HMGB1: variants seen among roughly 807,000 people sequenced by gnomAD.
The protein encoded by HMGB1 is high mobility group box 1.
For missense variants in HMGB1, 79 were observed against 253.5 expected (o/e 0.31, Z 4.67); for synonymous variants, 81 against 84.0 (o/e 0.96, Z 0.19).
chr13:30,551,127 A>G (rs1157358678), intron 1 of HMGB1, among the ~76,000 whole-genome samples: 1 of 152,236 alleles, frequency 6.6e-6, no homozygotes, highest in African/African-American at 2.4e-5. Context: ...TGATTTCTAA[A>G]CACAGTTTAA....
chr13:30,614,648 G>T (rs1266991257), intron 1 of HMGB1, among the ~76,000 whole-genome samples: 2 of 152,114 alleles, frequency 1.3e-5, no homozygotes, highest in Admixed American at 1.3e-4. Context: ...CATTTTCTGG[G>T]GGCAAAACAG....
intron 1 of HMGB1, among the ~76,000 whole-genome samples, chr13:30,550,528 G>T (rs925902905): frequency 6.6e-6 from 1 of 152,102 alleles, no homozygotes; most frequent in African/African-American, 2.4e-5. Flanking sequence ...CTTAATGTAG[G>T]GATTCTCTCT....
chr13:30,505,882 T>G (rs1887854231), intron 1 of HMGB1, among the ~76,000 whole-genome samples: 1 of 152,000 alleles, frequency 6.6e-6, no homozygotes, highest in East Asian at 2.0e-4. Flanking sequence ...AAGTAGACAG[T>G]TTTTTTGTTT....
In HMGB1 at chr13:30,603,389, C is replaced by T. The variant is rs540367003; in HGVS notation, c.-15+13282G>A. On this transcript the variant is annotated intron_variant, in intron 1 of 4. Transcript: ENST00000405805. Reference sequence around the variant, plus strand: ...GAACTGGGCATTGGCTCCACTCCTTCTCCTTCTCTTTACTATTAATACCCT... The same window carrying T: ...GAACTGGGCATTGGCTCCACTCCTTTTCCTTCTCTTTACTATTAATACCCT... Among the ~76,000 whole-genome samples, 6 of 152,306 alleles carry T rather than the reference C, an allele frequency of 3.9e-5. No individual in the cohort carries two copies. In the South Asian group the frequency reaches 1.2e-3, roughly 32 times the overall value.
At chr13:30,588,805 TA>T (rs376949789) in intron 1 of HMGB1, among the ~76,000 whole-genome samples, 1 of 151,734 alleles carries the variant, frequency 6.6e-6, no homozygotes, top group African/African-American at 2.4e-5. Flanking sequence ...TAGTCCCAGC[TA>T]TTTGGGAGGC....
chr13:30,512,813 T>C (rs1392708664), intron 1 of HMGB1, among the ~76,000 whole-genome samples: 1 of 152,146 alleles, frequency 6.6e-6, no homozygotes, highest in Non-Finnish European at 1.5e-5. Flanking sequence ...GGACAGTCCA[T>C]GCACCTTTTG....
intron 1 of HMGB1, among the ~76,000 whole-genome samples, chr13:30,566,450 T>A (rs997202098): frequency 3.3e-5 from 5 of 152,200 alleles, no homozygotes. Context: ...AATAGGTGTG[T>A]TCCAAAAAAA....
At position 30,474,935 on chromosome 13, in the gene HMGB1, C is replaced by CT. The variant is rs1195259479; in HGVS notation, c.-14-11242dup. 4.4e-3 allele frequency among the ~76,000 whole-genome samples: 398 copies of CT among 91,192 alleles called. 5 individuals are homozygous for CT. The highest frequency in any genetic ancestry group is 0.015 in the African/African-American group (366 of 24,136). The allele number at this position is 91,192 out of a possible 152,430, so 59.8% of individuals were successfully genotyped here. On this transcript the variant is annotated intron_variant, in intron 1 of 4. Transcript: ENST00000405805. ...TGCAACCTTGGCTCACTCTCTTTCT[C>CT]TTTTTTTTTTCTTTTCTTTTTTTGT... is the stretch of plus-strand genomic sequence containing the variant.
chr13:30,495,491 T>C (rs757077345), intron 1 of HMGB1, among the ~76,000 whole-genome samples: 1 of 151,278 alleles, frequency 6.6e-6, no homozygotes, highest in South Asian at 2.1e-4. Flanking sequence ...TTTTTTTTTT[T>C]TTTTGGAGAC....
At chr13:30,475,525 TAAAAA>T (rs148513243) in intron 1 of HMGB1, among the ~76,000 whole-genome samples, 5 of 131,518 alleles carry the variant, frequency 3.8e-5, no homozygotes, top group African/African-American at 1.4e-4. Context: ...AGACCATCTC[TAAAAA>T]AAAAAAAAAA....
intron 1 of HMGB1, among the ~76,000 whole-genome samples, chr13:30,602,246 G>A (rs111669385): frequency 2.0e-5 from 3 of 152,186 alleles, no homozygotes; most frequent in African/African-American, 7.2e-5. Flanking sequence ...ATGTCATCGG[G>A]GACACCAGCC....
chr13:30,459,747 TTA>T lies in HMGB1; in HGVS notation c.*1608_*1609del. On this transcript the variant is annotated 3_prime_UTR_variant, in exon 5 of 5. Transcript: ENST00000341423. Reference sequence around the variant, plus strand: ...TTAAAGGGAAAAACTTTGCCATCCCTTATACTTATTTAAAAGGTACTGCTAAG... The same window carrying T: ...TTAAAGGGAAAAACTTTGCCATCCCTTACTTATTTAAAAGGTACTGCTAAG... The T allele has an allele frequency of 6.6e-6, 1 of 152,302 alleles. No individual in the cohort carries two copies. Among genetic ancestry groups the T allele is most frequent in the East Asian group, 1.9e-4 (1 of 5,194 alleles). 9.4% of individuals were successfully genotyped at this position (152,302 alleles called of 1,614,324 possible).
chr13:30,593,097 TA>T (rs1390028267), intron 1 of HMGB1, among the ~76,000 whole-genome samples: 2 of 152,166 alleles, frequency 1.3e-5, no homozygotes, highest in African/African-American at 2.4e-5. Context: ...AGAGAATAGG[TA>T]AAAATGCCAA....
At chr13:30,585,571 G>A (rs757240089) in intron 1 of HMGB1, among the ~76,000 whole-genome samples, 12 of 151,852 alleles carry the variant, frequency 7.9e-5, no homozygotes, top group Non-Finnish European at 1.5e-4. Flanking sequence ...CCAGCTACTC[G>A]GGAGGCTGAG....
intron 1 of HMGB1, among the ~76,000 whole-genome samples, chr13:30,575,870 C>T (rs73456532): frequency 0.12 from 17,533 of 152,036 alleles, 2,599 homozygotes; most frequent in African/African-American, 0.35. Flanking sequence ...AGCCACTGCA[C>T]TCAGCCTGGG....
intron 3 of HMGB1, 120 bp downstream of exon 3, chr13:30,463,087 T>C (rs1565994290): frequency 2.0e-6 from 2 of 980,708 alleles, no homozygotes; most frequent in South Asian, 1.4e-5. Context: ...TATGAACAAG[T>C]ATTAGCTAAG....
chr13:30,601,368 G>A (rs1426689769), intron 1 of HMGB1, among the ~76,000 whole-genome samples: 1 of 152,192 alleles, frequency 6.6e-6, no homozygotes, highest in African/African-American at 2.4e-5. Flanking sequence ...ACGCATGAAA[G>A]AAACCCTACC....
intron 1 of HMGB1, 157 bp from the exon 2 acceptor site, chr13:30,463,851 A>G: frequency 1.7e-6 from 1 of 585,312 alleles, no homozygotes. Flanking sequence ...CCGAGAGATT[A>G]AATTCCTTGA....
intron 3 of HMGB1, among the ~76,000 whole-genome samples, 161 bp downstream of exon 3, chr13:30,463,046 C>G (rs987101261): frequency 2.0e-5 from 3 of 152,248 alleles, no homozygotes; most frequent in Non-Finnish European, 4.4e-5. Context: ...TCCCACCCAA[C>G]AGGAATTTTA....
Sources: gnomAD v4.1 joint callset for allele counts (sites outside exome capture counted in the v4.1 genomes callset) on GRCh38, gnomAD v4.1.1 for gene constraint, MANE v1.5 for transcripts, NCBI Gene and HGNC (gene_info 2026-07-23, HGNC 2026-07-21) for gene names.